NRXN3: variants seen among roughly 807,000 people sequenced by gnomAD.
NRXN3 encodes neurexin 3, also known as neurexin III.
In NRXN3, 32 loss-of-function variants were observed where a neutral mutation model predicts 137.6. The ratio of observed to expected loss-of-function variants is 0.23; its 90% confidence interval spans 0.18 to 0.31. The LOEUF (loss-of-function observed/expected upper bound fraction) is 0.31. NRXN3 is among the 10% of genes least tolerant of loss of function. NRXN3 has a pLI of 1.00. For synonymous variants in NRXN3, 798 were observed against 784.5 expected, an observed-to-expected ratio of 1.02 and a Z score of -0.29; for missense variants, 1,574 against 2,062.5, an observed-to-expected ratio of 0.76 and a Z score of 4.59.
chr14:79,465,833 A>T (rs1241512167), intron 15 of NRXN3, among the ~76,000 whole-genome samples: 1 of 152,228 alleles, frequency 6.6e-6, no homozygotes, highest in Non-Finnish European at 1.5e-5. Context: ...TTTTGAGATG[A>T]GTAACCCGTG....
chr14:79,832,659 A>C (rs1303409324), intron 20 of NRXN3, among the ~76,000 whole-genome samples: 1 of 152,178 alleles, frequency 6.6e-6, no homozygotes, highest in East Asian at 1.9e-4. Flanking sequence ...CCAAAATGGC[A>C]ATAGTGTAGA....
At chr14:79,762,838 A>G (rs1021743438) in intron 19 of NRXN3, among the ~76,000 whole-genome samples, 1 of 151,648 alleles carries the variant, frequency 6.6e-6, no homozygotes, top group Non-Finnish European at 1.5e-5. Context: ...TTTCATGGAG[A>G]GTTAAATGAA....
intron 1 of NRXN3, among the ~76,000 whole-genome samples, chr14:78,213,965 G>C (rs2063001456): frequency 6.6e-6 from 1 of 152,186 alleles, no homozygotes; most frequent in Non-Finnish European, 1.5e-5. Flanking sequence ...GCTGGCAGCA[G>C]GCCCATAGTA....
intron 19 of NRXN3, among the ~76,000 whole-genome samples, chr14:79,784,903 T>C (rs926021960): frequency 2.6e-5 from 4 of 152,168 alleles, no homozygotes; most frequent in African/African-American, 9.7e-5. Flanking sequence ...CTGCGGGGCT[T>C]TATTGACTGT....
chr14:79,015,960 T>G (rs1678554510), intron 15 of NRXN3, among the ~76,000 whole-genome samples: 1 of 152,158 alleles, frequency 6.6e-6, no homozygotes, highest in Admixed American at 6.5e-5. Flanking sequence ...TAAAGGGCAC[T>G]CTAAAGTGCC....
chr14:79,775,136 C>T (rs1253031649), intron 19 of NRXN3, among the ~76,000 whole-genome samples: 1 of 152,018 alleles, frequency 6.6e-6, no homozygotes, highest in African/African-American at 2.4e-5. Context: ...TAATACCATA[C>T]CGTAATTCTA....
chr14:78,376,744 A>G (rs1475260722), intron 4 of NRXN3, among the ~76,000 whole-genome samples: 2 of 152,198 alleles, frequency 1.3e-5, no homozygotes, highest in Non-Finnish European at 2.9e-5. Context: ...ACAGGACAGA[A>G]AACCCTATTC....
At chr14:79,676,649 T>G (rs750803850) in intron 17 of NRXN3, among the ~76,000 whole-genome samples, 23 of 152,012 alleles carry the variant, frequency 1.5e-4, no homozygotes, top group Non-Finnish European at 1.2e-4. Context: ...GGCATGTTAC[T>G]TTGCTTGACT....
At position 78,623,825 on chromosome 14, in the gene NRXN3, C is replaced by T. The variant is rs146085974; in HGVS notation, c.758-21295C>T. 8.6e-3 allele frequency among the ~76,000 whole-genome samples: 1,305 copies of T among 152,296 alleles called. 19 individuals carry two copies. Among genetic ancestry groups the T allele is most frequent in the African/African-American group, 0.028 (1,179 of 41,558 alleles). On this transcript the variant is annotated intron_variant, in intron 4 of 20. Transcript: ENST00000335750. ...TCAGGTGATCCGCCCACCTTGGCCTCCCAAAATGTTGGGATTACAGTCATG... is the reference window on the plus strand; with the variant it reads ...TCAGGTGATCCGCCCACCTTGGCCTTCCAAAATGTTGGGATTACAGTCATG...
intron 4 of NRXN3, among the ~76,000 whole-genome samples, chr14:78,550,332 G>A (rs891693917): frequency 1.3e-5 from 2 of 152,054 alleles, no homozygotes; most frequent in African/African-American, 4.8e-5. Context: ...TGCCTGGCTG[G>A]CTCTGCAAAC....
chr14:79,845,966 A>G (rs1224719958), intron 20 of NRXN3, among the ~76,000 whole-genome samples: 2 of 152,008 alleles, frequency 1.3e-5, no homozygotes, highest in African/African-American at 4.8e-5. Context: ...GAGATGGAGG[A>G]AGGGCAGGTT....
chr14:79,004,322 T>G (rs1413759799), intron 15 of NRXN3, among the ~76,000 whole-genome samples: 1 of 152,172 alleles, frequency 6.6e-6, no homozygotes, highest in Non-Finnish European at 1.5e-5. Flanking sequence ...CTCGGCTCAC[T>G]GCAAACTCCA....
At chr14:78,457,469 G>C (rs188459629) in intron 4 of NRXN3, among the ~76,000 whole-genome samples, 1 of 152,174 alleles carries the variant, frequency 6.6e-6, no homozygotes, top group East Asian at 1.9e-4. Context: ...AAATAGCTGA[G>C]GGGATTCTGA....
chr14:79,709,062 T>G lies in NRXN3; in HGVS notation c.4014+11125T>G, dbSNP rs187813156. ...TATGGAGAACAGTGCTTCTTAAACTTTAATGTGTGTATACAGATCACCTGG... is the reference window on the plus strand; with the variant it reads ...TATGGAGAACAGTGCTTCTTAAACTGTAATGTGTGTATACAGATCACCTGG... On this transcript the variant is annotated intron_variant, in intron 19 of 20. Transcript: ENST00000335750. Among the ~76,000 whole-genome samples, 79 of 152,162 alleles carry G rather than the reference T, an allele frequency of 5.2e-4. No individual in the cohort carries two copies. The East Asian group carries it at 0.011, about 22-fold the overall frequency.
chr14:79,004,873 C>T (rs1027639601), intron 15 of NRXN3, among the ~76,000 whole-genome samples: 10 of 152,090 alleles, frequency 6.6e-5, no homozygotes, highest in African/African-American at 1.9e-4. Context: ...GCTGTCGCCC[C>T]GTCCTCATCA....
intron 15 of NRXN3, among the ~76,000 whole-genome samples, chr14:79,254,497 C>T (rs1407202229): frequency 6.6e-6 from 1 of 151,068 alleles, no homozygotes; most frequent in Non-Finnish European, 1.5e-5. Context: ...TAGGCTCAAG[C>T]AGAAAAAATG....
chr14:78,601,387 G>C (rs1313890169), intron 4 of NRXN3, among the ~76,000 whole-genome samples: 1 of 151,896 alleles, frequency 6.6e-6, no homozygotes. Flanking sequence ...CATTTCCTAT[G>C]ATGGCGAGCT....
intron 16 of NRXN3, among the ~76,000 whole-genome samples, chr14:79,498,116 A>G (rs1251429145): frequency 6.6e-6 from 1 of 152,166 alleles, no homozygotes; most frequent in East Asian, 1.9e-4. Context: ...TGAGCGTCGG[A>G]ATTATACTAT....
intron 19 of NRXN3, among the ~76,000 whole-genome samples, chr14:79,763,335 G>T (rs768425481): frequency 1.5e-4 from 15 of 97,398 alleles, no homozygotes; most frequent in Middle Eastern, 5.6e-3. Flanking sequence ...AGACATACAT[G>T]TGCATGTGTC....
Sources: gnomAD v4.1 joint callset for allele counts (sites outside exome capture counted in the v4.1 genomes callset) on GRCh38, gnomAD v4.1.1 for gene constraint, MANE v1.5 for transcripts, NCBI Gene and HGNC (gene_info 2026-07-23, HGNC 2026-07-21) for gene names.